KCNJ6: variants seen among roughly 807,000 people sequenced by gnomAD.
KCNJ6 encodes the protein potassium inwardly rectifying channel subfamily J member 6.
In KCNJ6, 9 loss-of-function variants were observed where a neutral mutation model predicts 34.2. The observed-to-expected ratio is 0.26, with a 90% CI of 0.16 to 0.46. The LOEUF (loss-of-function observed/expected upper bound fraction) is 0.46, where lower values mean the gene tolerates loss of function less well. Ranked by LOEUF, KCNJ6 falls within the 20% of genes least tolerant of loss-of-function variation. The pLI, the probability that KCNJ6 is intolerant of heterozygous loss-of-function variation, is 1.00. For synonymous variants in KCNJ6, 196 were observed against 207.1 expected (o/e 0.95, Z 0.46); for missense variants, 236 against 531.3 (o/e 0.44, Z 5.46).
At chr21:37,717,600 G>A (rs2054800155) in intron 2 of KCNJ6, among the ~76,000 whole-genome samples, 4 of 152,240 alleles carry the variant, frequency 2.6e-5, no homozygotes, top group African/African-American at 7.2e-5. Context: ...TTTGTGCTGA[G>A]TGGAAGTCTC....
chr21:37,895,724 G>A (rs911486925), intron 1 of KCNJ6, among the ~76,000 whole-genome samples: 5 of 152,186 alleles, frequency 3.3e-5, no homozygotes, highest in Non-Finnish European at 7.3e-5. Flanking sequence ...GGGAGGCTGT[G>A]TGATGAAGAC....
intron 2 of KCNJ6, among the ~76,000 whole-genome samples, chr21:37,771,202 C>G (rs748579722): frequency 1.3e-5 from 2 of 152,284 alleles, no homozygotes; most frequent in Middle Eastern, 3.4e-3. Context: ...TATTCACTCA[C>G]CCAAATACAA....
At chr21:37,652,486 G>T (rs1014003741) in intron 3 of KCNJ6, among the ~76,000 whole-genome samples, 1 of 152,134 alleles carries the variant, frequency 6.6e-6, no homozygotes, top group African/African-American at 2.4e-5. Flanking sequence ...AGCGAAGGAG[G>T]GTTTTTGTTT....
intron 2 of KCNJ6, among the ~76,000 whole-genome samples, chr21:37,775,220 GT>G (rs1191841672): frequency 4.6e-5 from 7 of 152,072 alleles, no homozygotes; most frequent in Admixed American, 3.3e-4. Flanking sequence ...TTGTAAATTT[GT>G]TTGAGTTCTT....
chr21:37,793,470 TAA>T (rs1006675748), intron 2 of KCNJ6, among the ~76,000 whole-genome samples: 5 of 138,852 alleles, frequency 3.6e-5, no homozygotes, highest in African/African-American at 5.5e-5. Flanking sequence ...AAGGCGTGGT[TAA>T]AGAGTGAGAG....
intron 3 of KCNJ6, among the ~76,000 whole-genome samples, chr21:37,658,243 G>A (rs1601407052): frequency 6.6e-6 from 1 of 152,228 alleles, no homozygotes; most frequent in South Asian, 2.1e-4. Context: ...GGAACGCACA[G>A]TGAATTAAAT....
At chr21:37,843,442 G>A (rs1030223546) in intron 1 of KCNJ6, among the ~76,000 whole-genome samples, 3 of 152,042 alleles carry the variant, frequency 2.0e-5, no homozygotes, top group Non-Finnish European at 4.4e-5. Flanking sequence ...GGTGTAAGTG[G>A]TTTAGTTATT....
At position 37,695,463 on chromosome 21, in the gene KCNJ6, G is replaced by C. The variant is rs2054659784; in HGVS notation, c.946+18748C>G. ...TAAAAGTAGTGGGCTTCTAAGTGTA[G>C]GGTGGCTCTTTGATCCTCCTGCAGG... is the stretch of plus-strand genomic sequence containing the variant. On this transcript the variant is annotated intron_variant, in intron 3 of 3. Coordinates refer to ENST00000609713, the MANE Select transcript of KCNJ6 (RefSeq NM_002240.5). The surrounding 1 kb of genome is among the most constrained non-coding windows in gnomAD (Gnocchi z 4.2). 6.6e-6 allele frequency among the ~76,000 whole-genome samples: 1 copy of C among 152,152 alleles called. No homozygotes were observed. Among genetic ancestry groups the C allele is most frequent in the Non-Finnish European group, 1.5e-5 (1 of 68,014 alleles).
intron 1 of KCNJ6, among the ~76,000 whole-genome samples, chr21:37,883,117 A>T (rs2123625798): frequency 6.6e-6 from 1 of 152,332 alleles, no homozygotes; most frequent in South Asian, 2.1e-4. Flanking sequence ...TCTAGCTCCC[A>T]GCTCTGTCTC....
intron 1 of KCNJ6, among the ~76,000 whole-genome samples, chr21:37,875,561 C>T (rs1020322897): frequency 2.6e-5 from 4 of 152,226 alleles, no homozygotes; most frequent in African/African-American, 7.2e-5. Context: ...TGGTTTTATG[C>T]TTCTGAAGCT....
At chr21:37,836,760 G>A (rs908539509) in intron 2 of KCNJ6, among the ~76,000 whole-genome samples, 1 of 151,952 alleles carries the variant, frequency 6.6e-6, no homozygotes, top group African/African-American at 2.4e-5. Context: ...GCCAGAGGAG[G>A]GATAACATTA....
intron 1 of KCNJ6, among the ~76,000 whole-genome samples, chr21:37,888,858 C>T (rs559975428): frequency 6.6e-6 from 1 of 152,334 alleles, no homozygotes; most frequent in African/African-American, 2.4e-5. Context: ...GACAAGCAGC[C>T]AGGCCATGCT....
chr21:37,698,562 C>T (rs1260077955), intron 3 of KCNJ6, among the ~76,000 whole-genome samples: 1 of 152,240 alleles, frequency 6.6e-6, no homozygotes, highest in Non-Finnish European at 1.5e-5. Context: ...CAGGATCTCG[C>T]TCTGTTGCCC....
chr21:37,849,511 T>C (rs2055527073), intron 1 of KCNJ6, among the ~76,000 whole-genome samples: 1 of 152,118 alleles, frequency 6.6e-6, no homozygotes, highest in South Asian at 2.1e-4. Flanking sequence ...CAATCCAAGT[T>C]CTAAGCAAAC....
At position 37,611,457 on chromosome 21, in the gene KCNJ6, AG is replaced by A. The variant is rs2054242375; in HGVS notation, c.*13701del. ...CTGATTATCTACAATCTCTTTCAAA[AG>A]CTAGAAGCAGAGAGAACACTTGCTA... On this transcript the variant is annotated 3_prime_UTR_variant, in exon 4 of 4. Transcript: ENST00000609713. 6.6e-6 allele frequency: 1 copy of A among 152,240 alleles called. No individual in the cohort carries two copies. The highest frequency in any genetic ancestry group is 2.1e-4 in the South Asian group (1 of 4,834). The allele number at this position is 152,240 out of a possible 1,614,324, so 9.4% of individuals were successfully genotyped here. A position where few individuals can be genotyped will look rare whatever the true frequency, so the allele number is the denominator to read the frequency against.
intron 3 of KCNJ6, among the ~76,000 whole-genome samples, chr21:37,659,384 T>A (rs1027603209): frequency 1.3e-5 from 2 of 152,202 alleles, no homozygotes; most frequent in African/African-American, 4.8e-5. Flanking sequence ...AAGCCCTTGA[T>A]GTGGTGGAGT....
rs114627883 is a variant in KCNJ6 at position 37,643,278 on chromosome 21, C to T, written c.947-17794G>A. 2.8e-3 allele frequency among the ~76,000 whole-genome samples: 423 copies of T among 152,226 alleles called. 1 individual carries two copies. Among genetic ancestry groups the T allele is most frequent in the African/African-American group, 9.8e-3 (407 of 41,538 alleles). ...AGTGGAAAAAACAGTAGAGGCAAAC[C>T]CTCTATGATGGTCTCATCTTAATTA... On this transcript the variant is annotated intron_variant, in intron 3 of 3. Transcript: ENST00000609713.
At chr21:37,843,387 C>T (rs1167449230) in intron 1 of KCNJ6, among the ~76,000 whole-genome samples, 2 of 152,164 alleles carry the variant, frequency 1.3e-5, no homozygotes, top group African/African-American at 2.4e-5. Context: ...CCCAGACTGA[C>T]TCATCTATAT....
At chr21:37,824,435 G>C (rs115918468) in intron 2 of KCNJ6, among the ~76,000 whole-genome samples, 1 of 136,992 alleles carries the variant, frequency 7.3e-6, no homozygotes, top group Non-Finnish European at 1.6e-5. Flanking sequence ...ATTCTGTTCT[G>C]TAGATGAAAA....
Sources: gnomAD v4.1 joint callset for allele counts (sites outside exome capture counted in the v4.1 genomes callset) on GRCh38, gnomAD v4.1.1 for gene constraint, Gnocchi (gnomAD v3.1) non-coding constraint, MANE v1.5 for transcripts, NCBI Gene and HGNC (gene_info 2026-07-23, HGNC 2026-07-21) for gene names.